The following JAZF1 variants were observed in gnomAD, a reference collection of about 807,000 sequenced individuals.
JAZF1 encodes the protein juxtaposed with another zinc finger protein 1.
JAZF1 carries 8 observed loss-of-function variants against 26.4 expected under a neutral mutation model. That is an observed-to-expected ratio of 0.30 (90% CI 0.18 to 0.55). The LOEUF (loss-of-function observed/expected upper bound fraction) is 0.55, where lower values mean the gene tolerates loss of function less well. JAZF1 is among the 20% of genes least tolerant of loss of function. The pLI is 0.94. For synonymous variants in JAZF1, 126 were observed against 122.3 expected (o/e 1.03, Z -0.20); for missense variants, 199 against 322.0 (o/e 0.62, Z 2.92).
In JAZF1 at chr7:27,973,885, G is replaced by A. The variant is rs575604567; in HGVS notation, c.188+18024C>T. Among the ~76,000 whole-genome samples, 84 of 152,274 alleles carry A rather than the reference G, an allele frequency of 5.5e-4. 1 individual carries two copies. Among genetic ancestry groups the A allele is most frequent in the Admixed American group, 1.2e-3 (18 of 15,298 alleles). Reference sequence around the variant, plus strand: ...GAGAATGGAGGCAGGCAGGGAGATCGGTGAACTCTTGGGACAATCCCAAAC... The same window carrying A: ...GAGAATGGAGGCAGGCAGGGAGATCAGTGAACTCTTGGGACAATCCCAAAC... On this transcript the variant is annotated intron_variant, in intron 2 of 4. Transcript: ENST00000283928.
At chr7:27,848,255 C>T (rs1783064653) in intron 3 of JAZF1, among the ~76,000 whole-genome samples, 1 of 152,136 alleles carries the variant, frequency 6.6e-6, no homozygotes, top group Non-Finnish European at 1.5e-5. Flanking sequence ...TTTTAGTTGT[C>T]AGTGTACAAA....
At chr7:28,133,983 T>C (rs888347163) in intron 1 of JAZF1, among the ~76,000 whole-genome samples, 9 of 152,208 alleles carry the variant, frequency 5.9e-5, no homozygotes, top group African/African-American at 2.2e-4. Flanking sequence ...CTTAGGCCTA[T>C]AAGAAACATT....
chr7:28,149,774 TAAATAA>T (rs1783081725), intron 1 of JAZF1, among the ~76,000 whole-genome samples: 1 of 152,236 alleles, frequency 6.6e-6, no homozygotes, highest in African/African-American at 2.4e-5. Flanking sequence ...AGCAATGGGC[TAAATAA>T]TTACTGATTA....
At chr7:27,985,684 C>T (rs894340545) in intron 2 of JAZF1, among the ~76,000 whole-genome samples, 1 of 152,208 alleles carries the variant, frequency 6.6e-6, no homozygotes, top group Non-Finnish European at 1.5e-5. Flanking sequence ...CCCTGATGAA[C>T]ATCGATGCAA....
chr7:28,017,773 GTTGT>G lies in JAZF1; in HGVS notation c.116-25796_116-25793del, dbSNP rs3073768. On this transcript the variant is annotated intron_variant, in intron 1 of 4. Coordinates refer to ENST00000283928, the MANE Select transcript of JAZF1 (RefSeq NM_175061.4). ...TGATTACTTCTTTGTTTTTGTTGTTGTTGTTTGTTTGTTTGTTTGAGACAGAGTC... is the reference window on the plus strand; with the variant it reads ...TGATTACTTCTTTGTTTTTGTTGTTGTTGTTTGTTTGTTTGAGACAGAGTC... Among the ~76,000 whole-genome samples the G allele has an allele frequency of 0.025, 3,747 of 152,050 alleles. 280 individuals carry two copies. In the East Asian group the frequency reaches 0.31, roughly 12 times the overall value.
intron 1 of JAZF1, among the ~76,000 whole-genome samples, chr7:28,161,341 C>T (rs1783284278): frequency 6.6e-6 from 1 of 150,728 alleles, no homozygotes; most frequent in African/African-American, 2.4e-5. Flanking sequence ...TACAGAAACC[C>T]TAGAGCCCCA....
intron 3 of JAZF1, among the ~76,000 whole-genome samples, chr7:27,893,822 A>G (rs927373397): frequency 2.0e-5 from 3 of 152,222 alleles, no homozygotes; most frequent in Admixed American, 1.3e-4. Context: ...AAGGAGGAAC[A>G]GTGACTTAAT....
chr7:28,003,218 G>T (rs1349925038), intron 1 of JAZF1, among the ~76,000 whole-genome samples: 1 of 150,366 alleles, frequency 6.7e-6, no homozygotes. Flanking sequence ...TATTTTCTTG[G>T]ATTTAAAAGA....
intron 1 of JAZF1, among the ~76,000 whole-genome samples, chr7:28,111,267 A>T (rs1784657885): frequency 6.6e-6 from 1 of 152,238 alleles, no homozygotes. Context: ...TCCTTGCCAC[A>T]TCTGGTTATA....
At chr7:28,146,867 T>C (rs932296604) in intron 1 of JAZF1, among the ~76,000 whole-genome samples, 4 of 151,318 alleles carry the variant, frequency 2.6e-5, no homozygotes, top group African/African-American at 9.7e-5. Flanking sequence ...TTTTTTTGTT[T>C]TTTTTTTTTG....
intron 2 of JAZF1, among the ~76,000 whole-genome samples, chr7:27,899,473 C>T (rs1243227214): frequency 2.0e-5 from 3 of 152,116 alleles, no homozygotes; most frequent in African/African-American, 7.2e-5. Context: ...GTCTCGCTGT[C>T]ACCCAGGCTG....
chr7:28,050,194 A>G (rs1783588542), intron 1 of JAZF1, among the ~76,000 whole-genome samples: 1 of 152,216 alleles, frequency 6.6e-6, no homozygotes, highest in Non-Finnish European at 1.5e-5. Context: ...TAGCACCCCT[A>G]TTGCTCAGAA....
intron 3 of JAZF1, among the ~76,000 whole-genome samples, chr7:27,890,103 C>A (rs764101837): frequency 1.3e-5 from 2 of 152,054 alleles, no homozygotes; most frequent in Non-Finnish European, 2.9e-5. Context: ...CATGGATCCA[C>A]GATTCCTTGA....
chr7:27,999,709 C>G (rs556267120), intron 1 of JAZF1, among the ~76,000 whole-genome samples: 1 of 152,230 alleles, frequency 6.6e-6, no homozygotes, highest in South Asian at 2.1e-4. Flanking sequence ...GCCCAGTGTT[C>G]TGTAAATAAT....
intron 1 of JAZF1, among the ~76,000 whole-genome samples, chr7:28,107,752 A>G (rs947008327): frequency 6.6e-6 from 1 of 152,210 alleles, no homozygotes; most frequent in African/African-American, 2.4e-5. Flanking sequence ...CAGAGACACC[A>G]TTTCCGTTGT....
chr7:28,019,429 C>T (rs764557526), intron 1 of JAZF1, among the ~76,000 whole-genome samples: 1 of 152,070 alleles, frequency 6.6e-6, no homozygotes, highest in Admixed American at 6.5e-5. Context: ...TTGGGGTAAA[C>T]GCGACCTTAG....
At position 27,902,965 on chromosome 7, in the gene JAZF1, G is replaced by A. The variant is rs539188211; in HGVS notation, c.189-7549C>T. ...TGGGAGGCGGAGCCTGCAGTGAGCC[G>A]AGATCGCGCCACTGCACTCCAGCCT... On this transcript the variant is annotated intron_variant, in intron 2 of 4. Coordinates refer to ENST00000283928, the MANE Select transcript of JAZF1 (RefSeq NM_175061.4). Among the ~76,000 whole-genome samples, 278 of 148,038 alleles carry A rather than the reference G, an allele frequency of 1.9e-3. 1 individual carries two copies. The highest frequency in any genetic ancestry group is 6.5e-3 in the African/African-American group (259 of 40,078).
At chr7:28,136,527 G>C (rs1462662034) in intron 1 of JAZF1, among the ~76,000 whole-genome samples, 3 of 152,264 alleles carry the variant, frequency 2.0e-5, no homozygotes, top group Admixed American at 2.0e-4. Flanking sequence ...CACATTGGTG[G>C]AAGTGGGTCT....
chr7:27,997,743 C>CT (rs904024087), intron 1 of JAZF1, among the ~76,000 whole-genome samples: 152 of 145,360 alleles, frequency 1.0e-3, no homozygotes, highest in East Asian at 5.4e-3. Context: ...AATATTTCTA[C>CT]TTTTTTTTTT....
Sources: gnomAD v4.1 joint callset for allele counts (sites outside exome capture counted in the v4.1 genomes callset) on GRCh38, gnomAD v4.1.1 for gene constraint, MANE v1.5 for transcripts, NCBI Gene and HGNC (gene_info 2026-07-23, HGNC 2026-07-21) for gene names.